SLX4: variants seen among roughly 807,000 people sequenced by gnomAD.
The protein encoded by SLX4 is SLX4 structure-specific endonuclease subunit.
A neutral mutation model predicts 146.2 loss-of-function variants in SLX4; 112 were observed. The ratio of observed to expected loss-of-function variants is 0.77; its 90% confidence interval spans 0.66 to 0.90. The LOEUF (loss-of-function observed/expected upper bound fraction) is 0.90. Among genes scored for constraint, SLX4 ranks in the 40% least tolerant of loss-of-function variants. The pLI, the probability that SLX4 is intolerant of heterozygous loss-of-function variation, is 0.00. For missense variants in SLX4, 2,563 were observed against 2,392.7 expected, an observed-to-expected ratio of 1.07 and a Z score of -1.49; for synonymous variants, 1,061 against 997.7, an observed-to-expected ratio of 1.06 and a Z score of -1.20.
chr16:3,587,223 G>A lies in SLX4; in HGVS notation c.4636+1779C>T, dbSNP rs142244755. On this transcript the variant is annotated intron_variant, in intron 12 of 14. Coordinates refer to ENST00000294008, the MANE Select transcript of SLX4 (RefSeq NM_032444.4). ...TACTTTAAAAAATAATAGGCTGGGC[G>A]AGGTGGCTCACGCCTGTAATCCCAG... Among the ~76,000 whole-genome samples the A allele has an allele frequency of 6.8e-3, 1,034 of 152,226 alleles. 10 individuals carry two copies. The highest frequency in any genetic ancestry group is 0.018 in the African/African-American group (748 of 41,524).
intron 12 of SLX4, among the ~76,000 whole-genome samples, chr16:3,585,537 G>T (rs2040498133): frequency 7.4e-6 from 1 of 135,564 alleles, no homozygotes; most frequent in Non-Finnish European, 1.5e-5. Flanking sequence ...AGTGAGCCGA[G>T]ATCACACCAC....
intron 8 of SLX4, among the ~76,000 whole-genome samples, 183 bp downstream of exon 8, chr16:3,595,970 C>CA (rs2040647762): frequency 1.3e-5 from 2 of 152,242 alleles, no homozygotes; most frequent in African/African-American, 4.8e-5. Context: ...AAAATCATGA[C>CA]AGAGTTGTCT....
chr16:3,594,594 G>A lies in SLX4; in HGVS notation c.2019C>T (p.Ser673=). ...CAAAGTCAGCAACCAGCAGCCCGAG[G>A]GAGAGCTGAAGCAGGAGGAGAGGAA... ...HPDRGGRTLL[S]LGLLVADFGA... is the part of the protein sequence containing the mutation. Residue 673 remains serine (S), a synonymous_variant, in exon 10 of 15, where the codon TCC becomes TCT. Transcript: ENST00000294008. 1 of 1,614,114 alleles carries A rather than the reference G, an allele frequency of 6.2e-7. No individual in the cohort carries two copies. Among genetic ancestry groups the A allele is most frequent in the Non-Finnish European group, 8.5e-7 (1 of 1,180,012 alleles).
intron 5 of SLX4, among the ~76,000 whole-genome samples, chr16:3,600,336 G>A (rs1211034533): frequency 6.6e-6 from 1 of 152,170 alleles, no homozygotes; most frequent in Non-Finnish European, 1.5e-5. Flanking sequence ...GTACTGGTCC[G>A]AGGCTGGGGG....
intron 14 of SLX4, 34 bp from the exon 15 acceptor site, chr16:3,582,727 C>G: frequency 2.5e-6 from 4 of 1,570,600 alleles, no homozygotes; most frequent in Non-Finnish European, 3.5e-6. Flanking sequence ...TTGTGCAACC[C>G]CTTTCTCTCC....
intron 3 of SLX4, 27 bp from the exon 4 acceptor site, chr16:3,602,334 A>G: frequency 6.2e-7 from 1 of 1,612,030 alleles, no homozygotes; most frequent in African/African-American, 1.3e-5. Context: ...AAGATCCGTG[A>G]GAATAAACTC....
chr16:3,586,647 C>T (rs2040511343), intron 12 of SLX4, among the ~76,000 whole-genome samples: 1 of 151,840 alleles, frequency 6.6e-6, no homozygotes, highest in Non-Finnish European at 1.5e-5. Flanking sequence ...CCCATCTGTA[C>T]TAAAAATACA....
rs753464234 is a variant in SLX4, at chr16:3,589,735, C to A, written c.3903G>T (p.Gly1301=). The A allele has an allele frequency of 4.3e-6, 7 of 1,613,816 alleles. 1 individual carries two copies. The South Asian group carries it at 7.7e-5, about 18-fold the overall frequency. The change falls in exon 12 of 15, where the codon GGG becomes GGT. Residue 1301 remains glycine, a synonymous_variant. Coordinates refer to ENST00000294008, the MANE Select transcript of SLX4 (RefSeq NM_032444.4). This position sits in a 1 kb window ranked among gnomAD's most constrained non-coding sequence, Gnocchi z 6.2. ...TPRASVGNRE[G]NEVAQKFSVI... The stretch of plus-strand genomic sequence containing the variant: ...CAGAAAACTTCTGTGCGACTTCGTT[C>A]CCTTCCCTGTTTCCTACTGAGGCCC...
chr16:3,611,379 C>T (rs1326458285), intron 1 of SLX4, among the ~76,000 whole-genome samples, 181 bp downstream of exon 1: 2 of 152,244 alleles, frequency 1.3e-5, no homozygotes, highest in Non-Finnish European at 2.9e-5. Flanking sequence ...CCCGGCCCCT[C>T]TCCACCCGAG....
chr16:3,608,855 C>G lies in SLX4; in HGVS notation c.110G>C (p.Ser37Thr). Residue 37 changes from serine (S) to threonine (T), a missense_variant, in exon 2 of 15, where the codon AGC becomes ACC. By Grantham distance (58) the Ser-to-Thr change is moderately conservative. Coordinates refer to ENST00000294008, the MANE Select transcript of SLX4 (RefSeq NM_032444.4). The part of the protein sequence containing the change: ...DPRSSEDQPE[S>T]LKTGQMMDES... ...ATCCATCATCTGACCAGTTTTAAGG[C>G]TTTCAGGCTGGTCTTCAGAGGAGCG... 6.2e-7 allele frequency: 1 copy of G among 1,614,140 alleles called. No individual in the cohort carries two copies. The highest frequency in any genetic ancestry group is 8.5e-7 in the Non-Finnish European group (1 of 1,180,044).
rs1302525912 is a variant in SLX4, at chr16:3,589,675, C to CGGTGTCTGGGGCGGT, written c.3948_3962dup (p.Pro1317_Pro1321dup). 1 of 1,613,938 alleles carries CGGTGTCTGGGGCGGT rather than the reference C, an allele frequency of 6.2e-7. No homozygotes were observed. Among genetic ancestry groups the CGGTGTCTGGGGCGGT allele is most frequent in the Non-Finnish European group, 8.5e-7 (1 of 1,180,018 alleles). ...GAGAGACGGGAGTGAGGCATGAGGA[C>CGGTGTCTGGGGCGGT]GGTGTCTGGGGCGGTGGTGTCTGGG... On this transcript the variant is annotated inframe_insertion, in exon 12 of 15. Coordinates refer to ENST00000294008, the MANE Select transcript of SLX4 (RefSeq NM_032444.4). The surrounding 1 kb of genome is among the most constrained non-coding windows in gnomAD (Gnocchi z 6.2).
At chr16:3,606,746 T>C (rs368469897) in intron 2 of SLX4, 48 bp from the exon 3 acceptor site, 57 of 1,600,054 alleles carry the variant, frequency 3.6e-5, no homozygotes, top group East Asian at 2.5e-4. Flanking sequence ...GCTGGAGAAA[T>C]AAAAGACTTT....
chr16:3,611,376 C>A (rs1269540889), intron 1 of SLX4, among the ~76,000 whole-genome samples, 184 bp downstream of exon 1: 1 of 152,264 alleles, frequency 6.6e-6, no homozygotes, highest in Non-Finnish European at 1.5e-5. Context: ...GGCCCCGGCC[C>A]CTCTCCACCC....
chr16:3,601,284 T>A (rs2040725346), intron 4 of SLX4, 93 bp from the exon 5 acceptor site: 1 of 1,335,990 alleles, frequency 7.5e-7, no homozygotes, highest in Non-Finnish European at 1.1e-6. Flanking sequence ...CGTGCTGTGG[T>A]CAAAGCAAGT....
chr16:3,609,264 C>T lies in SLX4; in HGVS notation c.-300G>A. The T allele has an allele frequency of 2.9e-6, 1 of 347,910 alleles. No individual in the cohort carries two copies. The highest frequency in any genetic ancestry group is 5.6e-6 in the Non-Finnish European group (1 of 179,848). The allele number at this position is 347,910 out of a possible 1,614,324, so 21.6% of individuals were successfully genotyped here. On this transcript the variant is annotated 5_prime_UTR_variant, in exon 2 of 15. Coordinates refer to ENST00000294008, the MANE Select transcript of SLX4 (RefSeq NM_032444.4). The stretch of plus-strand genomic sequence containing the variant: ...TCAACTGAAAATACAAAAAATTGGC[C>T]AGGCGTGGTAGCAGATGCCTGTAAT...
rs1426711258 is a variant in SLX4, at chr16:3,581,872, G to A, written c.*470C>T. 5.2e-5 allele frequency: 10 copies of A among 193,514 alleles called. No homozygotes were observed. Among genetic ancestry groups the A allele is most frequent in the South Asian group, 4.7e-4 (4 of 8,588 alleles). The allele number at this position is 193,514 out of a possible 1,614,324, so 12.0% of individuals were successfully genotyped here. The stretch of plus-strand genomic sequence containing the variant: ...AGCCTGAGCAACATGGTGAAACCCC[G>A]TTTCTACTAAAATATAAAAAATCAG... On this transcript the variant is annotated 3_prime_UTR_variant, in exon 15 of 15. Transcript: ENST00000294008.
In SLX4 at chr16:3,583,091, G is replaced by C; in HGVS notation, c.5153+6C>G. On this transcript the variant is annotated splice_donor_region_variant and intron_variant, in intron 14 of 14. Transcript: ENST00000294008. The stretch of plus-strand genomic sequence containing the variant: ...GCCACTGACCCCATCGCATCCATCC[G>C]GTTACCTCTGTGAGCTCAAGGAGCT... 3 of 1,614,228 alleles carry C rather than the reference G, an allele frequency of 1.9e-6. No homozygotes were observed. Among genetic ancestry groups the C allele is most frequent in the Non-Finnish European group, 2.5e-6 (3 of 1,180,028 alleles).
At position 3,609,033 on chromosome 16, in the gene SLX4, T is replaced by C; in HGVS notation, c.-69A>G. 6.5e-7 allele frequency: 1 copy of C among 1,533,672 alleles called. No individual in the cohort carries two copies. Among genetic ancestry groups the C allele is most frequent in the Admixed American group, 1.8e-5 (1 of 55,628 alleles). ...CACAATTGAACAAAAAGTACTGTTT[T>C]CCTCTCTATAATGATTGAAGTATCT... On this transcript the variant is annotated 5_prime_UTR_variant, in exon 2 of 15. Coordinates refer to ENST00000294008, the MANE Select transcript of SLX4 (RefSeq NM_032444.4).
At chr16:3,599,931 T>G (rs2040707917) in intron 5 of SLX4, among the ~76,000 whole-genome samples, 1 of 152,124 alleles carries the variant, frequency 6.6e-6, no homozygotes, top group African/African-American at 2.4e-5. Context: ...ATGTTAACAG[T>G]GTGAAAACTG....
Sources: gnomAD v4.1 joint callset for allele counts (sites outside exome capture counted in the v4.1 genomes callset) on GRCh38, gnomAD v4.1.1 for gene constraint, Gnocchi (gnomAD v3.1) non-coding constraint, MANE v1.5 for transcripts, NCBI Gene and HGNC (gene_info 2026-07-23, HGNC 2026-07-21) for gene names.